The following SYNC variants were observed in gnomAD, a reference collection of about 807,000 sequenced individuals.
SYNC encodes the protein syncoilin.
SYNC carries 38 observed loss-of-function variants against 49.5 expected under a neutral mutation model. The ratio of observed to expected loss-of-function variants is 0.77; its 90% confidence interval spans 0.59 to 1.01. The LOEUF is 1.01. SYNC is among the 50% of genes least tolerant of loss of function. SYNC has a pLI of 0.00. For missense variants in SYNC, 579 were observed against 580.6 expected (o/e 1.00, Z 0.03); for synonymous variants, 201 against 230.8 (o/e 0.87, Z 1.17).
chr1:32,690,648 GAA>G (rs900204039), intron 2 of SYNC, among the ~76,000 whole-genome samples: 5 of 96,312 alleles, frequency 5.2e-5, no homozygotes, highest in Non-Finnish European at 6.5e-5. Context: ...CATCTCCAAA[GAA>G]AAAAAAAAAA....
chr1:32,692,495 T>A (rs1650213080), intron 2 of SYNC, among the ~76,000 whole-genome samples: 1 of 152,184 alleles, frequency 6.6e-6, no homozygotes. Context: ...ACGCCTGTAA[T>A]CCCAACACTG....
chr1:32,685,648 G>A (rs896741042), intron 2 of SYNC: 4 of 152,216 alleles, frequency 2.6e-5, no homozygotes, highest in African/African-American at 9.7e-5. Flanking sequence ...GCCCAGCCAT[G>A]CCTAAGAGTG....
chr1:32,702,227 A>C lies in SYNC; in HGVS notation c.53+381T>G, dbSNP rs1432485871. Among the ~76,000 whole-genome samples, 3 of 152,194 alleles carry C rather than the reference A, an allele frequency of 2.0e-5. No homozygotes were observed. In the East Asian group the frequency reaches 5.8e-4, roughly 29 times the overall value. Reference sequence around the variant, plus strand: ...CCCAGCCTTGCACCAAGTGGCTTCCACACAGCCACTTCAGCAGGGGAGGCC... The same window carrying C: ...CCCAGCCTTGCACCAAGTGGCTTCCCCACAGCCACTTCAGCAGGGGAGGCC... On this transcript the variant is annotated intron_variant, in intron 1 of 4. Coordinates refer to ENST00000409190, the MANE Select transcript of SYNC (RefSeq NM_030786.3). The surrounding 1 kb of genome is among the most constrained non-coding windows in gnomAD (Gnocchi z 6.2).
chr1:32,681,345 A>C lies in SYNC; in HGVS notation c.*505T>G, dbSNP rs1649423643. The C allele has an allele frequency of 6.4e-6, 1 of 156,880 alleles. No individual in the cohort carries two copies. Among genetic ancestry groups the C allele is most frequent in the Admixed American group, 6.4e-5 (1 of 15,618 alleles). The allele number at this position is 156,880 out of a possible 1,614,324, so 9.7% of individuals were successfully genotyped here. On this transcript the variant is annotated 3_prime_UTR_variant, in exon 5 of 5. Coordinates refer to ENST00000409190, the MANE Select transcript of SYNC (RefSeq NM_030786.3). ...ATGGGTCAGCATATCCTTGAACAAA[A>C]AGTAGACTTTGTAAAAGTATTCATT...
At position 32,688,412 on chromosome 1, in the gene SYNC, G is replaced by A. The variant is rs6673774; in HGVS notation, c.1234-4030C>T. ...ATGTCCCCTCTTTTGCCCAGGCTGG[G>A]GTAGTCATGCCTGTTTTCATCAGGA... On this transcript the variant is annotated intron_variant, in intron 2 of 4. Transcript: ENST00000409190. 3.5e-3 allele frequency among the ~76,000 whole-genome samples: 525 copies of A among 152,098 alleles called. 5 individuals carry two copies. Among genetic ancestry groups the A allele is most frequent in the African/African-American group, 0.012 (509 of 41,492 alleles).
At chr1:32,683,855 ACTC>A in intron 4 of SYNC, 152 bp downstream of exon 4, 1 of 669,876 alleles carries the variant, frequency 1.5e-6, no homozygotes, top group Non-Finnish European at 2.5e-6. Context: ...CTGGTCTTGA[ACTC>A]CTGACTCCAG....
In SYNC at chr1:32,684,032, A is replaced by G; in HGVS notation, c.1416T>C (p.Gly472=). ...EQADAPTSQA[G]GMETQSQGAV ...CACCTTGAGACTGTGTCTCCATTCC[A>G]CCTGCCTGAGAAGTGGGAGCATCAG... Residue 472 remains glycine, a synonymous_variant, in exon 4 of 5, where the codon GGT becomes GGC. Coordinates refer to ENST00000409190, the MANE Select transcript of SYNC (RefSeq NM_030786.3). The G allele has an allele frequency of 6.2e-7, 1 of 1,614,146 alleles. No homozygotes were observed. Among genetic ancestry groups the G allele is most frequent in the Non-Finnish European group, 8.5e-7 (1 of 1,180,012 alleles).
chr1:32,701,451 G>GC (rs1468124171), intron 1 of SYNC, among the ~76,000 whole-genome samples: 3 of 152,218 alleles, frequency 2.0e-5, no homozygotes, highest in African/African-American at 7.2e-5. Flanking sequence ...CCTAGGGTGG[G>GC]GCTCTGTAAG....
At chr1:32,689,171 C>T (rs1371018469) in intron 2 of SYNC, among the ~76,000 whole-genome samples, 6 of 149,790 alleles carry the variant, frequency 4.0e-5, no homozygotes, top group South Asian at 2.1e-4. Flanking sequence ...GATCTTTTGA[C>T]GTGATCCGCC....
upstream of SYNC, chr1:32,702,778 C>T: frequency 1.1e-6 from 1 of 905,288 alleles, no homozygotes; most frequent in Non-Finnish European, 1.3e-6. This position sits in a 1 kb window ranked among gnomAD's most constrained non-coding sequence, Gnocchi z 6.2. Flanking sequence ...CCCGGCCGGC[C>T]CCGGGCCGGG....
chr1:32,695,333 G>A lies in SYNC; in HGVS notation c.765C>T (p.Ala255=). 2 of 1,551,632 alleles carry A rather than the reference G, an allele frequency of 1.3e-6. No homozygotes were observed. Among genetic ancestry groups the A allele is most frequent in the Non-Finnish European group, 1.7e-6 (2 of 1,147,050 alleles). The part of the protein sequence containing the change: ...KLFKVTKECV[A]YQYQLECRQQ... Reference sequence around the variant, plus strand: ...GGCGGCACTCCAGCTGGTATTGGTAGGCCACACATTCCTTTGTCACTTTGA... The same window carrying A: ...GGCGGCACTCCAGCTGGTATTGGTAAGCCACACATTCCTTTGTCACTTTGA... The change falls in exon 2 of 5, where the codon GCC becomes GCT. Residue 255 remains alanine, a synonymous_variant. Transcript: ENST00000409190.
intron 2 of SYNC, among the ~76,000 whole-genome samples, chr1:32,688,888 T>C (rs1442089142): frequency 6.7e-6 from 1 of 149,720 alleles, no homozygotes; most frequent in African/African-American, 2.5e-5. Flanking sequence ...GCCTCTGGAG[T>C]ACAAACTCTT....
intron 2 of SYNC, among the ~76,000 whole-genome samples, chr1:32,688,463 C>T (rs1649999379): frequency 1.3e-5 from 2 of 152,184 alleles, no homozygotes; most frequent in African/African-American, 2.4e-5. Flanking sequence ...ACAGCTATTA[C>T]AGTGCTTATA....
intron 1 of SYNC, among the ~76,000 whole-genome samples, chr1:32,699,463 AC>A (rs1434218617): frequency 6.6e-6 from 1 of 151,658 alleles, no homozygotes; most frequent in Non-Finnish European, 1.5e-5. Flanking sequence ...CCAAAAAGTG[AC>A]CTTTCTATCT....
chr1:32,693,938 C>CA (rs1214001052), intron 2 of SYNC, among the ~76,000 whole-genome samples: 3 of 152,228 alleles, frequency 2.0e-5, no homozygotes, highest in South Asian at 4.1e-4. Flanking sequence ...ACCCTGTCTA[C>CA]AAAAAATACA....
intron 2 of SYNC, among the ~76,000 whole-genome samples, chr1:32,688,828 G>A (rs1227639034): frequency 4.0e-5 from 6 of 151,564 alleles, no homozygotes; most frequent in South Asian, 4.2e-4. Context: ...TGATCCACTC[G>A]CCTCTGCCTC....
chr1:32,691,634 A>C (rs1263586112), intron 2 of SYNC, among the ~76,000 whole-genome samples: 19 of 152,114 alleles, frequency 1.2e-4, no homozygotes, highest in Admixed American at 1.2e-3. Flanking sequence ...CTACTGAATA[A>C]AGTCCAAAAC....
In SYNC at chr1:32,680,167, A is replaced by G; in HGVS notation, c.*1683T>C. ...TATAGATTCCTACTCGAAAATCTTGACACCTGACTTTCCAGGATGCACATT... is the reference window on the plus strand; with the variant it reads ...TATAGATTCCTACTCGAAAATCTTGGCACCTGACTTTCCAGGATGCACATT... On this transcript the variant is annotated 3_prime_UTR_variant, in exon 5 of 5. Transcript: ENST00000409190. 4 of 1,059,194 alleles carry G rather than the reference A, an allele frequency of 3.8e-6. No individual in the cohort carries two copies. Among genetic ancestry groups the G allele is most frequent in the Non-Finnish European group, 4.5e-6 (4 of 896,442 alleles). The allele number at this position is 1,059,194 out of a possible 1,614,324, so 65.6% of individuals were successfully genotyped here. A position where few individuals can be genotyped will look rare whatever the true frequency, so the allele number is the denominator to read the frequency against.
At chr1:32,703,319 C>G (rs1413794943), upstream of SYNC, among the ~76,000 whole-genome samples, 1 of 152,182 alleles carries the variant, frequency 6.6e-6, no homozygotes. Flanking sequence ...TTAGAGAGAA[C>G]TGCGGAGGAG....
Sources: gnomAD v4.1 joint callset for allele counts (sites outside exome capture counted in the v4.1 genomes callset) on GRCh38, gnomAD v4.1.1 for gene constraint, Gnocchi (gnomAD v3.1) non-coding constraint, MANE v1.5 for transcripts, NCBI Gene and HGNC (gene_info 2026-07-23, HGNC 2026-07-21) for gene names.